Variants in OR10S1 observed in about 807,000 individuals in gnomAD.
The protein encoded by OR10S1 is olfactory receptor family 10 subfamily S member 1, also known as olfactory receptor 10S1.
For synonymous variants in OR10S1, 167 were observed against 164.1 expected (o/e 1.02, Z -0.13); for missense variants, 415 against 407.9 (o/e 1.02, Z -0.15).
rs756988059 is a variant in OR10S1, at chr11:123,977,193, C to A, written c.472G>T (p.Ala158Ser). The stretch of plus-strand genomic sequence containing the variant: ...GAGGTGTGGATTGCAGCGTGCGTGG[C>A]ACCTATGGCCCAGGTGATTCCAGCC... The change falls in exon 1 of 1, where the codon GCC becomes TCC. Residue 158 changes from alanine (A) to serine (S), a missense_variant. Physicochemically the swap from Ala to Ser is moderately conservative, Grantham distance 99. Transcript: ENST00000641123. The A allele has an allele frequency of 2.4e-5, 39 of 1,614,094 alleles. No homozygotes were observed. The highest frequency in any genetic ancestry group is 3.3e-5 in the Admixed American group (2 of 60,006).
chr11:123,977,135 C>A, exon 1 of OR10S1: 1 of 1,614,208 alleles, frequency 6.2e-7, no homozygotes, highest in Non-Finnish European at 8.5e-7. Context: ...GGCAATGTGG[C>A]AAGGCCCACA....
At position 123,977,672 on chromosome 11, in the gene OR10S1, C is replaced by T. The variant is rs773926642; in HGVS notation, c.-8G>A. 1 of 1,599,776 alleles carries T rather than the reference C, an allele frequency of 6.3e-7. No individual in the cohort carries two copies. Among genetic ancestry groups the T allele is most frequent in the Non-Finnish European group, 8.5e-7 (1 of 1,179,454 alleles). ...CTCCGTTGTCATGGTCATCTTCTCA[C>T]ACACAGAGCGGCTAGTCATCCCCTT... On this transcript the variant is annotated 5_prime_UTR_variant, in exon 1 of 1. In the 5' UTR this introduces an upstream ATG that the reference lacks. Coordinates refer to ENST00000641123, the Ensembl canonical transcript of OR10S1.
exon 1 of OR10S1, chr11:123,976,885 A>G (rs960601804): frequency 6.2e-7 from 1 of 1,614,162 alleles, no homozygotes. Context: ...AGATACAGAC[A>G]GGTGGCACGT....
At chr11:123,976,914 T>A (rs1342679594) in exon 1 of OR10S1, 4 of 1,613,888 alleles carry the variant, frequency 2.5e-6, no homozygotes, top group African/African-American at 1.3e-5. Context: ...AGCACCCCAG[T>A]GAGCTGGGCA....
chr11:123,977,044 G>A (rs1863726450), exon 1 of OR10S1: 2 of 1,614,092 alleles, frequency 1.2e-6, no homozygotes, highest in Non-Finnish European at 1.7e-6. Flanking sequence ...CGATGCCAAT[G>A]CTGGCAAGCA....
At chr11:123,976,837 G>C (rs750432703) in exon 1 of OR10S1, 12 of 1,614,040 alleles carry the variant, frequency 7.4e-6, no homozygotes, top group South Asian at 5.5e-5. Context: ...AGACAGCAGG[G>C]GCCCCAGCTC....
exon 1 of OR10S1, chr11:123,977,590 A>G: frequency 6.2e-7 from 1 of 1,612,372 alleles, no homozygotes; most frequent in Non-Finnish European, 8.5e-7. Flanking sequence ...TAGAATGTTT[A>G]GCGGTGTACC....
exon 1 of OR10S1, chr11:123,976,711 G>A: frequency 2.5e-6 from 4 of 1,610,186 alleles, no homozygotes; most frequent in Non-Finnish European, 3.4e-6. Flanking sequence ...GGGGTGGGCT[G>A]CCTGCTGTAG....
exon 1 of OR10S1, chr11:123,976,834 A>G: frequency 6.2e-7 from 1 of 1,614,174 alleles, no homozygotes; most frequent in Non-Finnish European, 8.5e-7. Flanking sequence ...AGAAGACAGC[A>G]GGGGCCCCAG....
chr11:123,976,784 G>A, exon 1 of OR10S1: 1 of 1,614,208 alleles, frequency 6.2e-7, no homozygotes, highest in Non-Finnish European at 8.5e-7. Flanking sequence ...GTTCCGCAAA[G>A]TGTAAATGAA....
exon 1 of OR10S1, chr11:123,977,498 T>C (rs1369796267): frequency 2.5e-6 from 4 of 1,613,342 alleles, no homozygotes. Flanking sequence ...GAGGTGAGAG[T>C]CAGAGCCCAC....
chr11:123,976,695 A>G, exon 1 of OR10S1: 2 of 1,603,534 alleles, frequency 1.2e-6, no homozygotes, highest in Non-Finnish European at 1.7e-6. Flanking sequence ...GATAGCACAG[A>G]CTATGGGGGT....
At chr11:123,977,032 C>G (rs1023172447) in exon 1 of OR10S1, 2 of 1,614,192 alleles carry the variant, frequency 1.2e-6, no homozygotes, top group Non-Finnish European at 1.7e-6. Context: ...AGCCTGCAGC[C>G]ACGATGCCAA....
In OR10S1 at chr11:123,976,970, C is replaced by T. The variant is rs753969769; in HGVS notation, c.695G>A (p.Arg232His). ...CTGCCGGCCCTGGGCTGTGCGGATG[C>T]GCAACACAGCTGCCACGATGAAGAT... Residue 232 changes from arginine to histidine, a missense_variant, in exon 1 of 1, where the codon CGC becomes CAC. Transcript: ENST00000641123. 30 of 1,613,840 alleles carry T rather than the reference C, an allele frequency of 1.9e-5. No homozygotes were observed. The Admixed American group carries it at 3.8e-4, about 21-fold the overall frequency.
At chr11:123,977,542 G>T (rs765955247) in exon 1 of OR10S1, 85 of 1,613,862 alleles carry the variant, frequency 5.3e-5, no homozygotes, top group African/African-American at 9.3e-5. Flanking sequence ...CAGCCACAGT[G>T]ATGCTGTAGA....
chr11:123,977,316 A>T, exon 1 of OR10S1: 1 of 1,614,142 alleles, frequency 6.2e-7, no homozygotes, highest in Non-Finnish European at 8.5e-7. Context: ...TACAGGAAGC[A>T]CTCAGTGCTG....
In OR10S1 at chr11:123,977,352, G is replaced by A; in HGVS notation, c.313C>T (p.Gln105Ter). Residue 105 changes from glutamine to a stop codon, truncating the protein, a stop_gained, in exon 1 of 1, where the codon CAG becomes TAG. Transcript: ENST00000641123. LOFTEE classifies it low-confidence loss of function (END_TRUNC). Reference sequence around the variant, plus strand: ...GCCAGAAAGTGGAAGCAATAAAGCTGTACGGCACAGCCCTCAAAGGAGATC... The same window carrying A: ...GCCAGAAAGTGGAAGCAATAAAGCTATACGGCACAGCCCTCAAAGGAGATC... 1 of 1,614,156 alleles carries A rather than the reference G, an allele frequency of 6.2e-7. No individual in the cohort carries two copies. Among genetic ancestry groups the A allele is most frequent in the Non-Finnish European group, 8.5e-7 (1 of 1,179,992 alleles).
exon 1 of OR10S1, chr11:123,977,261 A>C: frequency 6.2e-7 from 1 of 1,614,184 alleles, no homozygotes; most frequent in Non-Finnish European, 8.5e-7. Context: ...TGGGTAGTGC[A>C]GGGGTTGACA....
exon 1 of OR10S1, chr11:123,977,307 A>G (rs746914735): frequency 2.0e-5 from 32 of 1,614,020 alleles, no homozygotes; most frequent in South Asian, 7.7e-5. Flanking sequence ...ATGACTGTGT[A>G]CAGGAAGCAC....
Sources: gnomAD v4.1 joint callset for allele counts on GRCh38, gnomAD v4.1.1 for gene constraint, MANE v1.5 for transcripts, NCBI Gene and HGNC (gene_info 2026-07-23, HGNC 2026-07-21) for gene names.